The following PLCH1 variants were observed in gnomAD, a reference collection of about 807,000 sequenced individuals.
The protein encoded by PLCH1 is 1-phosphatidylinositol 4,5-bisphosphate phosphodiesterase eta-1.
PLCH1 carries 60 observed loss-of-function variants against 126.7 expected under a neutral mutation model. That is an observed-to-expected ratio of 0.47 (90% CI 0.38 to 0.59). The LOEUF (loss-of-function observed/expected upper bound fraction) is 0.59, where lower values mean the gene tolerates loss of function less well. PLCH1 is among the 20% of genes least tolerant of loss of function. The probability of loss-of-function intolerance (pLI) is 0.00; values close to 1 mark genes in which losing one functional copy is unlikely to be tolerated. For synonymous variants in PLCH1, 719 were observed against 734.9 expected, an observed-to-expected ratio of 0.98 and a Z score of 0.35; for missense variants, 1,723 against 2,040.0, an observed-to-expected ratio of 0.84 and a Z score of 2.99.
intron 1 of PLCH1, among the ~76,000 whole-genome samples, chr3:155,711,555 T>C (rs1747125808): frequency 6.6e-6 from 1 of 152,194 alleles, no homozygotes; most frequent in Admixed American, 6.5e-5. Context: ...TAAAGCTCCC[T>C]TTAAGAAAAC....
At chr3:155,723,223 T>C (rs1359138437) in intron 1 of PLCH1, among the ~76,000 whole-genome samples, 2 of 152,176 alleles carry the variant, frequency 1.3e-5, no homozygotes, top group Non-Finnish European at 2.9e-5. Context: ...CATAGCAGCC[T>C]TGAATGATCT....
intron 6 of PLCH1, among the ~76,000 whole-genome samples, chr3:155,568,832 A>T (rs2320186): frequency 0.15 from 23,082 of 151,540 alleles, 3,074 homozygotes; most frequent in African/African-American, 0.36. Flanking sequence ...CCATGGTAAT[A>T]CAGGAACACA....
intron 2 of PLCH1, among the ~76,000 whole-genome samples, chr3:155,626,768 C>CAAAA (rs71155058): frequency 8.3e-4 from 41 of 49,648 alleles, no homozygotes; most frequent in Admixed American, 1.4e-3. Context: ...GACTCCGTCT[C>CAAAA]AAAAAAAAAA....
intron 2 of PLCH1, among the ~76,000 whole-genome samples, chr3:155,615,342 T>C (rs1178902011): frequency 6.6e-6 from 1 of 152,180 alleles, no homozygotes; most frequent in Non-Finnish European, 1.5e-5. Flanking sequence ...GGTTGGAATG[T>C]AAACTAGTAC....
At chr3:155,617,737 G>C (rs2108757768) in intron 2 of PLCH1, among the ~76,000 whole-genome samples, 1 of 152,290 alleles carries the variant, frequency 6.6e-6, no homozygotes, top group Middle Eastern at 3.4e-3. Context: ...AATAGAAACA[G>C]ACTGCTTTAA....
At chr3:155,608,932 C>A (rs1472888675) in intron 2 of PLCH1, among the ~76,000 whole-genome samples, 1 of 152,168 alleles carries the variant, frequency 6.6e-6, no homozygotes, top group African/African-American at 2.4e-5. Context: ...GACTGGAGGT[C>A]AACCAACTCA....
chr3:155,463,339 A>G (rs1288387738), intron 21 of PLCH1, among the ~76,000 whole-genome samples: 2 of 152,236 alleles, frequency 1.3e-5, no homozygotes, highest in Admixed American at 1.3e-4. Flanking sequence ...AATATATTTT[A>G]TCTCAGCACC....
chr3:155,568,494 G>A (rs1004534359), intron 6 of PLCH1, among the ~76,000 whole-genome samples, 170 bp from the exon 7 acceptor site: 1 of 152,162 alleles, frequency 6.6e-6, no homozygotes, highest in African/African-American at 2.4e-5. Context: ...GAATGACCAT[G>A]ATTCAATCTT....
chr3:155,696,398 A>G (rs1388997605), intron 2 of PLCH1, among the ~76,000 whole-genome samples: 2 of 152,260 alleles, frequency 1.3e-5, no homozygotes, highest in African/African-American at 2.4e-5. Flanking sequence ...GGATCCAAGG[A>G]AAAAAATCTA....
intron 8 of PLCH1, among the ~76,000 whole-genome samples, chr3:155,558,563 T>C (rs1444310001): frequency 6.6e-6 from 1 of 152,194 alleles, no homozygotes; most frequent in Non-Finnish European, 1.5e-5. Flanking sequence ...CAATAACTAA[T>C]AGTAAAACAG....
chr3:155,560,604 CTTAATAACA>C (rs1215687847), intron 8 of PLCH1, among the ~76,000 whole-genome samples: 3 of 152,074 alleles, frequency 2.0e-5, no homozygotes, highest in African/African-American at 7.2e-5. Flanking sequence ...GTTGATTTAC[CTTAATAACA>C]TTACTGTCAC....
At chr3:155,558,396 G>A (rs868747577) in intron 8 of PLCH1, among the ~76,000 whole-genome samples, 3 of 152,178 alleles carry the variant, frequency 2.0e-5, no homozygotes, top group Admixed American at 6.6e-5. Context: ...TAGGTATACA[G>A]CAGTACCCCT....
chr3:155,541,083 T>C (rs1427744467), intron 10 of PLCH1, among the ~76,000 whole-genome samples: 1 of 152,170 alleles, frequency 6.6e-6, no homozygotes, highest in Non-Finnish European at 1.5e-5. Context: ...AATATGGCAT[T>C]TGCAGCAACC....
At chr3:155,716,642 C>T (rs374318690) in intron 1 of PLCH1, among the ~76,000 whole-genome samples, 3 of 152,190 alleles carry the variant, frequency 2.0e-5, no homozygotes, top group South Asian at 2.1e-4. Context: ...CACTTACTAT[C>T]GTGAGGACAG....
intron 2 of PLCH1, among the ~76,000 whole-genome samples, chr3:155,697,412 A>G (rs1745906464): frequency 6.6e-6 from 1 of 152,284 alleles, no homozygotes; most frequent in South Asian, 2.1e-4. Flanking sequence ...AATATCGTCA[A>G]TGCCCAGGGT....
chr3:155,653,723 A>G (rs1282744246), intron 2 of PLCH1, among the ~76,000 whole-genome samples: 2 of 152,124 alleles, frequency 1.3e-5, no homozygotes, highest in African/African-American at 2.4e-5. Context: ...AATTTCACCA[A>G]TAGAAGAAAT....
chr3:155,713,864 A>G (rs901889314), intron 1 of PLCH1, among the ~76,000 whole-genome samples: 1 of 152,032 alleles, frequency 6.6e-6, no homozygotes, highest in Non-Finnish European at 1.5e-5. Flanking sequence ...ATTATGGAAA[A>G]CTCCTCCCTA....
At chr3:155,617,831 G>T (rs1174807567) in intron 2 of PLCH1, among the ~76,000 whole-genome samples, 1 of 152,128 alleles carries the variant, frequency 6.6e-6, no homozygotes, top group African/African-American at 2.4e-5. Context: ...TCCCTGTACA[G>T]GAGTCCTAAC....
At chr3:155,740,254 T>C (rs1029661688) in intron 1 of PLCH1, among the ~76,000 whole-genome samples, 6 of 151,826 alleles carry the variant, frequency 4.0e-5, no homozygotes, top group African/African-American at 1.5e-4. Flanking sequence ...CTACTAAAAA[T>C]ACAAAAATTA....
Sources: gnomAD v4.1 joint callset for allele counts (sites outside exome capture counted in the v4.1 genomes callset) on GRCh38, gnomAD v4.1.1 for gene constraint, MANE v1.5 for transcripts, NCBI Gene and HGNC (gene_info 2026-07-23, HGNC 2026-07-21) for gene names.